ADNP: variants seen among roughly 807,000 people sequenced by gnomAD.
ADNP encodes activity dependent neuroprotector homeobox, also known as activity-dependent neuroprotector homeobox protein.
Under a neutral mutation model 84.9 loss-of-function variants are expected in ADNP, and 4 were observed. The ratio of observed to expected loss-of-function variants is 0.05; its 90% CI spans 0.02 to 0.11. The LOEUF (loss-of-function observed/expected upper bound fraction) is 0.11. Ranked by LOEUF, ADNP falls within the 10% of genes least tolerant of loss-of-function variation. The pLI is 1.00. For synonymous variants in ADNP, 554 were observed against 468.1 expected (o/e 1.18, Z -2.37); for missense variants, 1,132 against 1,326.0 (o/e 0.85, Z 2.27).
At chr20:50,897,239 C>G (rs1201942397) in intron 5 of ADNP, among the ~76,000 whole-genome samples, 1 of 152,218 alleles carries the variant, frequency 6.6e-6, no homozygotes, top group Admixed American at 6.5e-5. Flanking sequence ...CCAAGCCCGG[C>G]CACGTGTTTT....
intron 2 of ADNP, among the ~76,000 whole-genome samples, chr20:50,927,198 G>A (rs1984346337): frequency 6.6e-6 from 1 of 152,044 alleles, no homozygotes; most frequent in Admixed American, 6.6e-5. Flanking sequence ...CTGGTATAAG[G>A]AGAAAAAGAT....
intron 2 of ADNP, among the ~76,000 whole-genome samples, chr20:50,908,596 A>G (rs956537121): frequency 6.6e-6 from 1 of 151,960 alleles, no homozygotes; most frequent in African/African-American, 2.4e-5. Context: ...AACATGGTGA[A>G]ACCCCGTCTC....
chr20:50,911,299 G>T (rs186185400), intron 2 of ADNP, among the ~76,000 whole-genome samples: 2 of 152,276 alleles, frequency 1.3e-5, no homozygotes, highest in African/African-American at 2.4e-5. Flanking sequence ...CAATGTCCAT[G>T]AGAGTTTCCC....
At position 50,902,683 on chromosome 20, in the gene ADNP, T is replaced by TA. The variant is rs770392108; in HGVS notation, c.109-575dup. Among the ~76,000 whole-genome samples, 3 of 152,290 alleles carry TA rather than the reference T, an allele frequency of 2.0e-5. No homozygotes were observed. In the East Asian group the frequency reaches 5.8e-4, roughly 29 times the overall value. On this transcript the variant is annotated intron_variant, in intron 4 of 5. Transcript: ENST00000621696. ...CCACTTCCCTCCAGACTAGGAAGAT[T>TA]AAAAGTCTTAGGGTAAAATCCCACT...
Position 50,931,143 on chromosome 20 carries a change from C to A in ADNP, c.-582G>T. The A allele has an allele frequency of 6.6e-6, 1 of 151,352 alleles. No individual in the cohort carries two copies. The highest frequency in any genetic ancestry group is 1.8e-4 in the South Asian group (1 of 5,584). 9.4% of individuals were successfully genotyped at this position (151,352 alleles called of 1,614,324 possible). On this transcript the variant is annotated 5_prime_UTR_variant, in exon 1 of 6. Transcript: ENST00000621696. ...CGGGCGGCGGCGGCCGCGCTCCTCT[C>A]GCTCCTCAGCAGCGGGGACCGAGAG...
At chr20:50,896,558 TCAAAAAAAAAC>T (rs1194301414) in intron 5 of ADNP, among the ~76,000 whole-genome samples, 295 of 151,954 alleles carry the variant, frequency 1.9e-3, no homozygotes, top group Admixed American at 3.1e-3. Context: ...AGACCCCGTC[TCAAAAAAAAAC>T]CAAAAACTTT....
rs571812255 is a variant in ADNP, at chr20:50,904,958, CA to C, written c.-89-110del. Reference sequence around the variant, plus strand: ...ATGTGACTCGACCAATGCATGCCCCCACTCCACCCCTGCCTGCAACGTACCT... The same window carrying C: ...ATGTGACTCGACCAATGCATGCCCCCCTCCACCCCTGCCTGCAACGTACCT... On this transcript the variant is annotated intron_variant, in intron 2 of 5. Transcript: ENST00000621696. The C allele has an allele frequency of 1.9e-3, 283 of 152,272 alleles. 1 individual carries two copies. The highest frequency in any genetic ancestry group is 6.4e-3 in the African/African-American group (267 of 41,556). 9.4% of individuals were successfully genotyped at this position (152,272 alleles called of 1,614,324 possible). A position where few individuals can be genotyped will look rare whatever the true frequency, so the allele number is the denominator to read the frequency against.
At chr20:50,911,570 A>G (rs1048221413) in intron 2 of ADNP, among the ~76,000 whole-genome samples, 6 of 150,920 alleles carry the variant, frequency 4.0e-5, no homozygotes, top group African/African-American at 7.3e-5. Context: ...CAATGGCATC[A>G]CCCAACAGAT....
intron 2 of ADNP, among the ~76,000 whole-genome samples, chr20:50,916,167 T>C (rs1236065392): frequency 6.6e-6 from 1 of 152,208 alleles, no homozygotes; most frequent in African/African-American, 2.4e-5. Flanking sequence ...AGATGGTATT[T>C]ATCTAAATAT....
At chr20:50,917,893 G>A (rs754590394) in intron 2 of ADNP, among the ~76,000 whole-genome samples, 2 of 152,096 alleles carry the variant, frequency 1.3e-5, no homozygotes, top group Non-Finnish European at 2.9e-5. Flanking sequence ...ATAAAGTACC[G>A]ACACATGTTC....
At chr20:50,903,831 C>A (rs1600956289) in intron 4 of ADNP, 58 bp downstream of exon 4, 2 of 1,351,842 alleles carry the variant, frequency 1.5e-6, no homozygotes, top group East Asian at 4.7e-5. Context: ...GCCACTGACA[C>A]AAAGTAATGG....
At position 50,892,118 on chromosome 20, in the gene ADNP, G is replaced by A; in HGVS notation, c.2596C>T (p.Leu866Phe). The A allele has an allele frequency of 6.2e-7, 1 of 1,614,090 alleles. No individual in the cohort carries two copies. Among genetic ancestry groups the A allele is most frequent in the East Asian group, 2.2e-5 (1 of 44,874 alleles). Reference sequence around the variant, plus strand: ...CTGTCATCTTCCTTCCCAAGGTTGAGCTTTTTGTCAGCAGTCTTACTAGCA... The same window carrying A: ...CTGTCATCTTCCTTCCCAAGGTTGAACTTTTTGTCAGCAGTCTTACTAGCA... ...VNASKTADKKLNLGKEDDSSS... is the reference protein window; with the variant it reads ...VNASKTADKKFNLGKEDDSSS... Residue 866 changes from leucine to phenylalanine, a missense_variant, in exon 6 of 6, where the codon CTC becomes TTC. Physicochemically the swap from Leu to Phe is conservative, Grantham distance 22. Around this residue, in one of 10 missense-constraint regions of ADNP, gnomAD observed 381 missense variants for 319.9 expected, o/e 1.19. Transcript: ENST00000621696.
intron 2 of ADNP, chr20:50,909,475 A>G (rs1284685118): frequency 1.3e-5 from 2 of 152,186 alleles, no homozygotes; most frequent in Non-Finnish European, 1.5e-5. Flanking sequence ...GACATAAAAA[A>G]AGAAAAATAT....
intron 5 of ADNP, 39 bp downstream of exon 5, chr20:50,901,978 A>G: frequency 4.8e-6 from 7 of 1,459,280 alleles, no homozygotes; most frequent in Non-Finnish European, 6.7e-6. Flanking sequence ...GAGTATACCA[A>G]GCATGCTGCC....
chr20:50,903,142 C>T (rs1168205612), intron 4 of ADNP, among the ~76,000 whole-genome samples: 1 of 152,124 alleles, frequency 6.6e-6, no homozygotes, highest in Non-Finnish European at 1.5e-5. Flanking sequence ...GCTATGTTCC[C>T]TAGCCACCTA....
intron 2 of ADNP, among the ~76,000 whole-genome samples, chr20:50,917,064 T>C (rs1983563715): frequency 6.6e-6 from 1 of 152,222 alleles, no homozygotes; most frequent in Non-Finnish European, 1.5e-5. Context: ...GTGAAGCAAC[T>C]GCTTGCCCAT....
chr20:50,919,291 GTATATA>G (rs199569280), intron 2 of ADNP, among the ~76,000 whole-genome samples: 11 of 77,210 alleles, frequency 1.4e-4, no homozygotes, highest in South Asian at 7.0e-4. Context: ...ATATTTAAGT[GTATATA>G]TATATATATA....
intron 2 of ADNP, among the ~76,000 whole-genome samples, chr20:50,916,450 C>G (rs1048477062): frequency 6.6e-6 from 1 of 152,170 alleles, no homozygotes; most frequent in Admixed American, 6.6e-5. Flanking sequence ...CTTTAAGACA[C>G]GCCCCTCTTC....
At position 50,930,892 on chromosome 20, in the gene ADNP, G is replaced by C. The variant is rs1371620711; in HGVS notation, c.-331C>G. The stretch of plus-strand genomic sequence containing the variant: ...GGGGCCGGACAGCGGCGGCGGCGGC[G>C]GGCGGATGGCGGCGGCACGGCGGTG... On this transcript the variant is annotated 5_prime_UTR_variant, in exon 1 of 6. Coordinates refer to ENST00000621696, the MANE Select transcript of ADNP (RefSeq NM_001282531.3). 2 of 146,298 alleles carry C rather than the reference G, an allele frequency of 1.4e-5. No individual in the cohort carries two copies. Among genetic ancestry groups the C allele is most frequent in the Non-Finnish European group, 3.0e-5 (2 of 65,624 alleles). 9.1% of individuals were successfully genotyped at this position (146,298 alleles called of 1,614,324 possible). A position where few individuals can be genotyped will look rare whatever the true frequency, so the allele number is the denominator to read the frequency against.
Sources: gnomAD v4.1 joint callset for allele counts (sites outside exome capture counted in the v4.1 genomes callset) on GRCh38, gnomAD v4.1.1 for gene constraint, gnomAD v4.1.1 regional missense constraint, MANE v1.5 for transcripts, NCBI Gene and HGNC (gene_info 2026-07-23, HGNC 2026-07-21) for gene names.